Variants in ANKHD1 observed in about 807,000 individuals in gnomAD.
ANKHD1 encodes the protein ankyrin repeat and KH domain containing 1.
A neutral mutation model predicts 230.5 loss-of-function variants in ANKHD1; 31 were observed. The ratio of observed to expected loss-of-function variants is 0.13; its 90% CI spans 0.10 to 0.18. The LOEUF is 0.18. ANKHD1 is among the 10% of genes least tolerant of loss of function. The pLI is 1.00. For synonymous variants in ANKHD1, 1,074 were observed against 1,117.6 expected, an observed-to-expected ratio of 0.96 and a Z score of 0.78; for missense variants, 2,256 against 3,071.3, an observed-to-expected ratio of 0.73 and a Z score of 6.27.
chr5:140,525,206 ATTTG>A (rs993308250), intron 25 of ANKHD1, among the ~76,000 whole-genome samples: 1 of 152,176 alleles, frequency 6.6e-6, no homozygotes, highest in Non-Finnish European at 1.5e-5. Context: ...TATATTTTAT[ATTTG>A]TTCTAACAAC....
chr5:140,488,222 G>T (rs183014905), intron 14 of ANKHD1, among the ~76,000 whole-genome samples: 3 of 152,082 alleles, frequency 2.0e-5, no homozygotes, highest in East Asian at 3.9e-4. Context: ...GTTTTCTTTG[G>T]GGGGGAGTTT....
At chr5:140,457,944 G>A (rs900662931) in intron 7 of ANKHD1, among the ~76,000 whole-genome samples, 1 of 152,040 alleles carries the variant, frequency 6.6e-6, no homozygotes, top group African/African-American at 2.4e-5. Flanking sequence ...CCCACCATGA[G>A]AATATTTTAT....
intron 7 of ANKHD1, 95 bp downstream of exon 7, chr5:140,449,400 C>G: frequency 7.2e-7 from 1 of 1,392,986 alleles, no homozygotes; most frequent in Non-Finnish European, 9.8e-7. Flanking sequence ...TGCGGTGGCT[C>G]ACGCCTGTAA....
chr5:140,422,275 A>G (rs1285277587), intron 1 of ANKHD1, among the ~76,000 whole-genome samples: 2 of 151,562 alleles, frequency 1.3e-5, no homozygotes, highest in East Asian at 2.0e-4. Context: ...GGCGCCCACC[A>G]CCACGCCCGG....
At position 140,506,729 on chromosome 5, in the gene ANKHD1, A is replaced by G; in HGVS notation, c.3409-106A>G. ...TCTAATGAAATGTAATTAAAATATC[A>G]GATATTTAGATAAGGAAGTTATAAG... is the stretch of plus-strand genomic sequence containing the variant. On this transcript the variant is annotated intron_variant, in intron 18 of 33. Coordinates refer to ENST00000360839, the MANE Select transcript of ANKHD1 (RefSeq NM_017747.3). The surrounding 1 kb of genome is among the most constrained non-coding windows in gnomAD (Gnocchi z 4.7). 6.8e-7 allele frequency: 1 copy of G among 1,473,758 alleles called. No individual in the cohort carries two copies. The highest frequency in any genetic ancestry group is 9.2e-7 in the Non-Finnish European group (1 of 1,089,926). The allele number at this position is 1,473,758 out of a possible 1,614,324, so 91.3% of individuals were successfully genotyped here.
chr5:140,466,355 C>T (rs1776083581), intron 10 of ANKHD1, among the ~76,000 whole-genome samples: 1 of 149,408 alleles, frequency 6.7e-6, no homozygotes, highest in Admixed American at 6.7e-5. Flanking sequence ...TGCGCCATTG[C>T]ACTCCAGCCT....
intron 24 of ANKHD1, among the ~76,000 whole-genome samples, chr5:140,523,754 T>G (rs1032678853): frequency 9.9e-5 from 15 of 151,850 alleles, no homozygotes; most frequent in African/African-American, 3.6e-4. Context: ...AGAGATGAGG[T>G]TTCGCCATGT....
chr5:140,498,765 G>A (rs1752147304), intron 15 of ANKHD1, among the ~76,000 whole-genome samples: 1 of 152,050 alleles, frequency 6.6e-6, no homozygotes. Context: ...AACATGTAGT[G>A]TTCTGTAACT....
intron 1 of ANKHD1, among the ~76,000 whole-genome samples, chr5:140,404,890 A>C (rs765710481): frequency 2.0e-5 from 3 of 151,812 alleles, no homozygotes; most frequent in Admixed American, 6.6e-5. Flanking sequence ...TAATAGTCTT[A>C]AATTTCTTCA....
intron 1 of ANKHD1, among the ~76,000 whole-genome samples, chr5:140,415,091 G>A (rs1316484002): frequency 1.3e-5 from 2 of 151,944 alleles, no homozygotes; most frequent in African/African-American, 4.8e-5. Flanking sequence ...CATCTCCAGT[G>A]TCATGAAGAT....
chr5:140,429,223 A>T (rs1159848352), intron 1 of ANKHD1, among the ~76,000 whole-genome samples: 3 of 150,302 alleles, frequency 2.0e-5, no homozygotes, highest in Non-Finnish European at 4.4e-5. Flanking sequence ...CCTCCCGAGT[A>T]GCTGGGACTA....
chr5:140,522,831 A>G (rs1753413243), intron 24 of ANKHD1, among the ~76,000 whole-genome samples: 1 of 152,128 alleles, frequency 6.6e-6, no homozygotes, highest in Non-Finnish European at 1.5e-5. Flanking sequence ...CCTCACCAAT[A>G]TTATTATCTG....
At chr5:140,476,775 T>G (rs1233796682) in intron 10 of ANKHD1, among the ~76,000 whole-genome samples, 3 of 152,126 alleles carry the variant, frequency 2.0e-5, no homozygotes, top group African/African-American at 7.2e-5. Flanking sequence ...AAGAAATTGA[T>G]AAAACATATT....
chr5:140,408,076 C>T (rs7735153), intron 1 of ANKHD1, among the ~76,000 whole-genome samples: 2,302 of 152,214 alleles, frequency 0.015, 60 homozygotes, highest in African/African-American at 0.052. Context: ...ACTTGGGAGG[C>T]TGAGGCAGGA....
rs1292097862 is a variant in ANKHD1, at chr5:140,496,893, C to T, written c.2619C>T (p.Cys873=). The change falls in exon 15 of 34, where the codon TGC becomes TGT. Residue 873 remains cysteine (C), a synonymous_variant. Transcript: ENST00000360839. ...ACACAGTGTCTCTACACCAACAGTGCTCTCATAGAGGAGTCTTCCCAGAAG... is the reference window on the plus strand; with the variant it reads ...ACACAGTGTCTCTACACCAACAGTGTTCTCATAGAGGAGTCTTCCCAGAAG... ...QKDTVSLHQQ[C]SHRGVFPEGE... 1 of 1,614,192 alleles carries T rather than the reference C, an allele frequency of 6.2e-7. No individual in the cohort carries two copies. The highest frequency in any genetic ancestry group is 1.1e-5 in the South Asian group (1 of 91,088).
At chr5:140,536,182 C>T (rs1754062959) in intron 30 of ANKHD1, among the ~76,000 whole-genome samples, 1 of 152,224 alleles carries the variant, frequency 6.6e-6, no homozygotes, top group South Asian at 2.1e-4. Context: ...CACCTTCTGC[C>T]TCCCAGGCTC....
At chr5:140,432,330 C>G (rs1192791991) in intron 1 of ANKHD1, among the ~76,000 whole-genome samples, 1 of 152,162 alleles carries the variant, frequency 6.6e-6, no homozygotes, top group Non-Finnish European at 1.5e-5. Context: ...TAAATGGGAT[C>G]ATATAATGGG....
chr5:140,519,962 A>C, intron 24 of ANKHD1, among the ~76,000 whole-genome samples: 1 of 152,080 alleles, frequency 6.6e-6, no homozygotes, highest in East Asian at 1.9e-4. Flanking sequence ...TCTGCACAGC[A>C]AAAGAAACTA....
At chr5:140,427,960 G>A (rs917453685) in intron 1 of ANKHD1, among the ~76,000 whole-genome samples, 5 of 151,270 alleles carry the variant, frequency 3.3e-5, no homozygotes, top group African/African-American at 1.2e-4. Flanking sequence ...CTTCTCAGAC[G>A]GGGCGGCCAG....
Sources: allele counts gnomAD v4.1 joint callset (sites outside exome capture counted in the v4.1 genomes callset), GRCh38; gene constraint gnomAD v4.1.1; non-coding constraint Gnocchi (gnomAD v3.1); transcripts MANE v1.5; gene names NCBI Gene and HGNC (gene_info 2026-07-23, HGNC 2026-07-21).